PTPRG: variants seen among roughly 807,000 people sequenced by gnomAD.
PTPRG encodes receptor-type tyrosine-protein phosphatase gamma.
PTPRG carries 102 observed loss-of-function variants against 165.3 expected under a neutral mutation model. The observed-to-expected ratio is 0.62, with a 90% CI of 0.53 to 0.73. PTPRG has a LOEUF of 0.73. Among genes scored for constraint, PTPRG ranks in the 30% least tolerant of loss-of-function variants. The pLI, the probability that PTPRG is intolerant of heterozygous loss-of-function variation, is 0.00. For missense variants in PTPRG, 1,866 were observed against 1,861.4 expected (o/e 1.00, Z -0.05); for synonymous variants, 675 against 669.5 (o/e 1.01, Z -0.13).
At chr3:61,965,763 G>T (rs1420413754) in intron 2 of PTPRG, among the ~76,000 whole-genome samples, 1 of 152,198 alleles carries the variant, frequency 6.6e-6, no homozygotes, top group African/African-American at 2.4e-5. Context: ...TAAGAGTTAG[G>T]TGCTGCAATT....
intron 2 of PTPRG, among the ~76,000 whole-genome samples, chr3:61,838,651 CTT>C (rs949362003): frequency 6.6e-6 from 1 of 152,132 alleles, no homozygotes; most frequent in Non-Finnish European, 1.5e-5. Flanking sequence ...ACCAGAATGA[CTT>C]TTTAAAAATA....
intron 2 of PTPRG, among the ~76,000 whole-genome samples, chr3:61,920,680 C>T (rs994654184): frequency 3.9e-5 from 6 of 152,180 alleles, no homozygotes; most frequent in African/African-American, 1.4e-4. Flanking sequence ...AGGCGTGAGC[C>T]ACTGCGCCTG....
chr3:62,073,069 A>G (rs1701261874), intron 4 of PTPRG, among the ~76,000 whole-genome samples: 1 of 147,156 alleles, frequency 6.8e-6, no homozygotes, highest in South Asian at 2.2e-4. Context: ...ATCAAAATAC[A>G]TAATGTTAGT....
intron 1 of PTPRG, among the ~76,000 whole-genome samples, chr3:61,665,506 G>T (rs1231620969): frequency 1.1e-5 from 1 of 90,262 alleles, no homozygotes; most frequent in Non-Finnish European, 2.3e-5. Flanking sequence ...ACACACACAG[G>T]CACAAATATA....
chr3:61,578,527 T>A (rs1307479206), intron 1 of PTPRG, among the ~76,000 whole-genome samples: 2 of 152,206 alleles, frequency 1.3e-5, no homozygotes, highest in Non-Finnish European at 2.9e-5. Flanking sequence ...AAATCCCCTC[T>A]TGGGATGTTT....
At chr3:62,167,867 C>T (rs1705054976) in intron 7 of PTPRG, 104 bp from the exon 8 acceptor site, 2 of 1,188,024 alleles carry the variant, frequency 1.7e-6, no homozygotes, top group Non-Finnish European at 2.4e-6. Flanking sequence ...CCGTTTCATG[C>T]TCTTATCACC....
rs572233990 is a variant in PTPRG at position 61,861,643 on chromosome 3, G to A, written c.190+112661G>A. Among the ~76,000 whole-genome samples the A allele has an allele frequency of 1.1e-4, 16 of 152,282 alleles. No homozygotes were observed. In the South Asian group the frequency reaches 3.1e-3, roughly 30 times the overall value. On this transcript the variant is annotated intron_variant, in intron 2 of 29. Transcript: ENST00000474889. ...AGATGAGCCCAGATCAGTCACAATA[G>A]TTTTCACAAGCCTGATAGGAAGGCC...
intron 2 of PTPRG, among the ~76,000 whole-genome samples, chr3:61,771,737 A>G (rs1030862568): frequency 6.6e-6 from 1 of 152,116 alleles, no homozygotes; most frequent in South Asian, 2.1e-4. Context: ...TTCCTGAACC[A>G]TAGTAGGCTT....
At chr3:61,911,017 C>T (rs750503678) in intron 2 of PTPRG, among the ~76,000 whole-genome samples, 1 of 152,174 alleles carries the variant, frequency 6.6e-6, no homozygotes, top group Non-Finnish European at 1.5e-5. Context: ...ATTCCCTCTG[C>T]TGCTCCTGTT....
chr3:62,259,684 T>G (rs964516870), intron 16 of PTPRG, among the ~76,000 whole-genome samples: 1 of 152,174 alleles, frequency 6.6e-6, no homozygotes, highest in African/African-American at 2.4e-5. Context: ...GAAAAATAAT[T>G]CTTATGCTAG....
chr3:62,184,046 C>A (rs1167790527), intron 8 of PTPRG, among the ~76,000 whole-genome samples: 1 of 152,238 alleles, frequency 6.6e-6, no homozygotes, highest in African/African-American at 2.4e-5. Context: ...TCTCCATTCT[C>A]TTCTCACTCT....
At chr3:62,088,230 G>A (rs1252123219) in intron 5 of PTPRG, among the ~76,000 whole-genome samples, 2 of 152,214 alleles carry the variant, frequency 1.3e-5, no homozygotes, top group Non-Finnish European at 2.9e-5. Context: ...ACATCCTGCA[G>A]TGCACAGGAG....
intron 2 of PTPRG, among the ~76,000 whole-genome samples, chr3:61,829,641 G>A (rs1341343615): frequency 1.3e-5 from 2 of 152,222 alleles, no homozygotes; most frequent in Non-Finnish European, 2.9e-5. Context: ...GTCAGGGAGA[G>A]TGTATTAATC....
At chr3:61,833,887 A>T (rs2036384111) in intron 2 of PTPRG, among the ~76,000 whole-genome samples, 1 of 152,106 alleles carries the variant, frequency 6.6e-6, no homozygotes, top group Admixed American at 6.5e-5. Flanking sequence ...TTTCTATGGA[A>T]GCTCATCTTT....
At chr3:62,191,367 T>C in intron 8 of PTPRG, 102 bp from the exon 9 acceptor site, 2 of 1,035,534 alleles carry the variant, frequency 1.9e-6, no homozygotes, top group African/African-American at 1.6e-5. Flanking sequence ...GGGTGCTTCC[T>C]GTATTACTCT....
chr3:62,203,697 C>A lies in PTPRG; in HGVS notation c.1902C>A (p.Ala634=). The change falls in exon 12 of 30, where the codon GCC becomes GCA. Residue 634 remains alanine (A), a synonymous_variant. Coordinates refer to ENST00000474889, the MANE Select transcript of PTPRG (RefSeq NM_002841.4). The surrounding 1 kb of genome is among the most constrained non-coding windows in gnomAD (Gnocchi z 6.4). ...SPTPSSPNRT[A]EGGHQTIPGH... is the part of the protein sequence containing the mutation. ...CACCCTCGTCTCCTAACAGGACTGC[C>A]GAGGGAGGGCATCAGACTATACCTG... is the stretch of plus-strand genomic sequence containing the variant. The A allele has an allele frequency of 1.3e-6, 2 of 1,575,928 alleles. No homozygotes were observed. The highest frequency in any genetic ancestry group is 2.3e-5 in the East Asian group (1 of 43,074).
intron 2 of PTPRG, among the ~76,000 whole-genome samples, chr3:61,879,250 A>G (rs2037822282): frequency 1.3e-5 from 2 of 151,848 alleles, no homozygotes; most frequent in African/African-American, 4.9e-5. Flanking sequence ...AGAGAGACAG[A>G]TTTCTTGCTA....
chr3:61,914,950 G>A (rs550574779), intron 2 of PTPRG, among the ~76,000 whole-genome samples: 22 of 152,340 alleles, frequency 1.4e-4, no homozygotes, highest in African/African-American at 5.1e-4. Context: ...AATTAAGTGG[G>A]CTGGGTGCGG....
At chr3:61,960,857 A>T (rs2040136371) in intron 2 of PTPRG, among the ~76,000 whole-genome samples, 1 of 152,182 alleles carries the variant, frequency 6.6e-6, no homozygotes, top group African/African-American at 2.4e-5. Context: ...TCCTAAAATT[A>T]AGGCAATGAG....
Sources: gnomAD v4.1 joint callset for allele counts (sites outside exome capture counted in the v4.1 genomes callset) on GRCh38, gnomAD v4.1.1 for gene constraint, Gnocchi (gnomAD v3.1) non-coding constraint, MANE v1.5 for transcripts, NCBI Gene and HGNC (gene_info 2026-07-23, HGNC 2026-07-21) for gene names.